The following STXBP5L variants were observed in gnomAD, a reference collection of about 807,000 sequenced individuals.
STXBP5L encodes the protein syntaxin binding protein 5L, also known as syntaxin-binding protein 5-like.
STXBP5L carries 65 observed loss-of-function variants against 144.5 expected under a neutral mutation model. The ratio of observed to expected loss-of-function variants is 0.45; its 90% confidence interval spans 0.37 to 0.55. The LOEUF is 0.55. Ranked by LOEUF, STXBP5L falls within the 20% of genes least tolerant of loss-of-function variation. STXBP5L has a pLI of 0.00. For synonymous variants in STXBP5L, 505 were observed against 469.6 expected, an observed-to-expected ratio of 1.08 and a Z score of -0.97; for missense variants, 1,298 against 1,405.5, an observed-to-expected ratio of 0.92 and a Z score of 1.22.
intron 2 of STXBP5L, among the ~76,000 whole-genome samples, chr3:120,945,190 T>A (rs181171029): frequency 1.3e-4 from 20 of 151,852 alleles, no homozygotes; most frequent in Non-Finnish European, 2.8e-4. Flanking sequence ...TATGCCCCAA[T>A]CCACACTTTA....
intron 9 of STXBP5L, among the ~76,000 whole-genome samples, chr3:121,203,611 C>T (rs1375912597): frequency 6.6e-6 from 1 of 152,038 alleles, no homozygotes; most frequent in Non-Finnish European, 1.5e-5. Context: ...ATAATCAAAG[C>T]ACAAAAATTC....
At chr3:121,037,941 A>G (rs973880841) in intron 3 of STXBP5L, among the ~76,000 whole-genome samples, 1 of 151,940 alleles carries the variant, frequency 6.6e-6, no homozygotes, top group Non-Finnish European at 1.5e-5. Flanking sequence ...TATTGGCATA[A>G]TTTTTTAAAT....
At chr3:121,233,125 A>T (rs1409121711) in intron 11 of STXBP5L, among the ~76,000 whole-genome samples, 4 of 152,212 alleles carry the variant, frequency 2.6e-5, no homozygotes, top group African/African-American at 9.6e-5. Context: ...TACACAACCT[A>T]TAAATATATT....
intron 18 of STXBP5L, among the ~76,000 whole-genome samples, chr3:121,262,585 T>C (rs2050419074): frequency 6.6e-6 from 1 of 152,112 alleles, no homozygotes; most frequent in Admixed American, 6.5e-5. Flanking sequence ...ATTGTGCCAT[T>C]GCACTCCAGC....
intron 7 of STXBP5L, among the ~76,000 whole-genome samples, chr3:121,139,314 A>G (rs970368121): frequency 6.6e-6 from 1 of 152,126 alleles, no homozygotes; most frequent in Non-Finnish European, 1.5e-5. Flanking sequence ...GTCATTACAC[A>G]TTGTTCAAAT....
chr3:121,239,909 T>A (rs1321704385), intron 13 of STXBP5L, among the ~76,000 whole-genome samples: 1 of 151,900 alleles, frequency 6.6e-6, no homozygotes, highest in African/African-American at 2.4e-5. Context: ...ACTCAGGTCT[T>A]CCTAGTTTAT....
At chr3:121,106,466 C>G (rs1348446961) in intron 5 of STXBP5L, among the ~76,000 whole-genome samples, 1 of 152,086 alleles carries the variant, frequency 6.6e-6, no homozygotes, top group Non-Finnish European at 1.5e-5. Context: ...CATTGTTCAG[C>G]TCCTACTTAA....
At chr3:121,059,670 C>G (rs1031089112) in intron 5 of STXBP5L, among the ~76,000 whole-genome samples, 3 of 152,130 alleles carry the variant, frequency 2.0e-5, no homozygotes, top group African/African-American at 7.2e-5. Context: ...GTTTGTAGCT[C>G]TCCTCGAAGA....
intron 3 of STXBP5L, among the ~76,000 whole-genome samples, chr3:121,010,567 G>A (rs576691372): frequency 2.0e-5 from 3 of 151,634 alleles, no homozygotes; most frequent in Admixed American, 1.3e-4. Context: ...GAACAACACG[G>A]GGGTTAGGGG....
At chr3:121,069,447 A>G (rs1004865794) in intron 5 of STXBP5L, among the ~76,000 whole-genome samples, 21 of 152,060 alleles carry the variant, frequency 1.4e-4, no homozygotes, top group African/African-American at 5.1e-4. Context: ...TAAAGCTGCT[A>G]TGATCATTTG....
intron 7 of STXBP5L, among the ~76,000 whole-genome samples, chr3:121,144,137 A>G (rs1195520133): frequency 9.4e-6 from 1 of 106,616 alleles, no homozygotes; most frequent in African/African-American, 3.9e-5. Context: ...ACAACTCAAT[A>G]GTAAAAAAAA....
intron 9 of STXBP5L, among the ~76,000 whole-genome samples, chr3:121,190,453 C>G (rs1178661094): frequency 1.3e-5 from 2 of 152,212 alleles, no homozygotes. Flanking sequence ...ATGTCTACCC[C>G]CTTCAACACA....
intron 3 of STXBP5L, among the ~76,000 whole-genome samples, chr3:121,035,872 A>C (rs1269476972): frequency 6.6e-6 from 1 of 152,070 alleles, no homozygotes; most frequent in African/African-American, 2.4e-5. Flanking sequence ...GAACATCTTC[A>C]TTTATTTTGG....
In STXBP5L at chr3:121,424,466, C is replaced by G. The variant is rs943194756; in HGVS notation, c.*5369C>G. On this transcript the variant is annotated 3_prime_UTR_variant, in exon 27 of 27. Transcript: ENST00000471454. ...TGCTTTCCCTCTGCTGTTGGCCCAC[C>G]CTTCTTGACTGCAAAGCCAGAAAAT... is the stretch of plus-strand genomic sequence containing the variant. 9 of 152,270 alleles carry G rather than the reference C, an allele frequency of 5.9e-5. No individual in the cohort carries two copies. In the East Asian group the frequency reaches 9.7e-4, roughly 16 times the overall value. 9.4% of individuals were successfully genotyped at this position (152,270 alleles called of 1,614,324 possible).
chr3:120,909,608 G>A lies in STXBP5L; in HGVS notation c.30G>A (p.Leu10=), dbSNP rs1037303064. Reference sequence around the variant, plus strand: ...AGAAGTTTAATTTCCGAAAAGTTTTGGATGGCTTAACTGCCTCCTCCCCTG... The same window carrying A: ...AGAAGTTTAATTTCCGAAAAGTTTTAGATGGCTTAACTGCCTCCTCCCCTG... MKKFNFRKV[L]DGLTASSPGS... The change falls in exon 2 of 27, where the codon TTG becomes TTA. Residue 10 remains leucine (L), a synonymous_variant. Coordinates refer to ENST00000471454, the MANE Select transcript of STXBP5L (RefSeq NM_001308330.2). The A allele has an allele frequency of 1.9e-6, 3 of 1,612,946 alleles. No homozygotes were observed. In the African/African-American group the frequency reaches 4.0e-5, roughly 22 times the overall value.
At chr3:120,984,293 G>A (rs1201603464) in intron 3 of STXBP5L, among the ~76,000 whole-genome samples, 1 of 152,142 alleles carries the variant, frequency 6.6e-6, no homozygotes, top group African/African-American at 2.4e-5. Context: ...GGCTTCTCTT[G>A]ATTTTATGGA....
At chr3:121,279,221 A>G (rs2050974684) in intron 18 of STXBP5L, among the ~76,000 whole-genome samples, 1 of 151,872 alleles carries the variant, frequency 6.6e-6, no homozygotes, top group Non-Finnish European at 1.5e-5. Context: ...TAGTTAAGTA[A>G]TTAATCAAAT....
At chr3:121,185,653 G>C (rs868629211) in intron 9 of STXBP5L, among the ~76,000 whole-genome samples, 14 of 152,046 alleles carry the variant, frequency 9.2e-5, no homozygotes, top group African/African-American at 2.4e-4. Context: ...TTCCATTGGT[G>C]TATATCTCTG....
chr3:121,245,585 TTGAAA>T (rs1283763313), intron 14 of STXBP5L, among the ~76,000 whole-genome samples: 1 of 151,892 alleles, frequency 6.6e-6, no homozygotes, highest in African/African-American at 2.4e-5. Flanking sequence ...CACACATAGG[TTGAAA>T]GTGAAAGGAT....
Sources: gnomAD v4.1 joint callset for allele counts (sites outside exome capture counted in the v4.1 genomes callset) on GRCh38, gnomAD v4.1.1 for gene constraint, MANE v1.5 for transcripts, NCBI Gene and HGNC (gene_info 2026-07-23, HGNC 2026-07-21) for gene names.